The following HOPX variants were observed in gnomAD, a reference collection of about 807,000 sequenced individuals.
HOPX encodes the protein HOP homeobox, also known as homeodomain-only protein.
HOPX carries 5 observed loss-of-function variants against 11.8 expected under a neutral mutation model. The ratio of observed to expected loss-of-function variants is 0.43; its 90% CI spans 0.22 to 0.89. The LOEUF (loss-of-function observed/expected upper bound fraction) is 0.89. HOPX is among the 40% of genes least tolerant of loss of function. The pLI, the probability that HOPX is intolerant of heterozygous loss-of-function variation, is 0.28. For missense variants in HOPX, 119 were observed against 120.0 expected, an observed-to-expected ratio of 0.99 and a Z score of 0.04; for synonymous variants, 49 against 49.7, an observed-to-expected ratio of 0.99 and a Z score of 0.06.
At chr4:56,653,567 T>G (rs1717407347) in intron 3 of HOPX, among the ~76,000 whole-genome samples, 1 of 152,092 alleles carries the variant, frequency 6.6e-6, no homozygotes, top group Non-Finnish European at 1.5e-5. Context: ...GCTTGCTAAG[T>G]GCTGCCTGTC....
chr4:56,654,102 T>C (rs1457152308), intron 3 of HOPX, among the ~76,000 whole-genome samples: 2 of 152,152 alleles, frequency 1.3e-5, no homozygotes, highest in Non-Finnish European at 2.9e-5. Context: ...GCTTCCAGGG[T>C]TCAAATCCTG....
At chr4:56,650,478 T>C (rs1717053319) in intron 3 of HOPX, 1 of 550,938 alleles carries the variant, frequency 1.8e-6, no homozygotes, top group Non-Finnish European at 3.2e-6. Context: ...CAGAAGAAAG[T>C]GTGAGAATCA....
At chr4:56,671,495 G>A (rs1718730761) in intron 1 of HOPX, among the ~76,000 whole-genome samples, 1 of 151,982 alleles carries the variant, frequency 6.6e-6, no homozygotes, top group Non-Finnish European at 1.5e-5. Context: ...TTAGGTCATG[G>A]ATAAAATGAC....
chr4:56,651,878 G>GTGTGTT (rs1481624201), intron 3 of HOPX, among the ~76,000 whole-genome samples: 1 of 107,478 alleles, frequency 9.3e-6, no homozygotes, highest in Non-Finnish European at 2.0e-5. Context: ...GAGAGAGTGT[G>GTGTGTT]TGTGTGTGTG....
chr4:56,670,037 T>C (rs1027672770), intron 1 of HOPX, among the ~76,000 whole-genome samples: 3 of 152,216 alleles, frequency 2.0e-5, no homozygotes, highest in African/African-American at 7.2e-5. Flanking sequence ...CTTGAATATG[T>C]AGGATAGGAA....
intron 1 of HOPX, among the ~76,000 whole-genome samples, chr4:56,666,187 G>A (rs149769649): frequency 3.9e-5 from 6 of 152,258 alleles, no homozygotes; most frequent in African/African-American, 7.2e-5. Context: ...TTCCCCACAC[G>A]CTCTTCTTCA....
intron 3 of HOPX, 57 bp downstream of exon 3, chr4:56,655,800 C>A: frequency 6.5e-7 from 1 of 1,537,642 alleles, no homozygotes. Context: ...CGCCCAGCCG[C>A]GAGAAGGCTC....
At chr4:56,658,521 A>G (rs938337910) in intron 1 of HOPX, among the ~76,000 whole-genome samples, 2 of 152,222 alleles carry the variant, frequency 1.3e-5, no homozygotes, top group African/African-American at 4.8e-5. Flanking sequence ...GAAGATCTCT[A>G]TAGTCAAATG....
Position 56,650,382 on chromosome 4 carries a change from C to T in HOPX, c.199-1585G>A, listed in dbSNP as rs1717043602. On this transcript the variant is annotated intron_variant, in intron 3 of 3. Coordinates refer to ENST00000420433, the MANE Select transcript of HOPX (RefSeq NM_032495.6). ...AACCTCTAGAGGGCTCCCCACATAG[C>T]ATGGCTTGATGCCTATACAGATACT... The T allele has an allele frequency of 2.7e-5, 7 of 256,884 alleles. No individual in the cohort carries two copies. The South Asian group carries it at 4.7e-4, about 17-fold the overall frequency. 15.9% of individuals were successfully genotyped at this position (256,884 alleles called of 1,614,324 possible).
chr4:56,666,092 A>AC (rs1718423818), intron 1 of HOPX, among the ~76,000 whole-genome samples: 1 of 152,166 alleles, frequency 6.6e-6, no homozygotes, highest in Non-Finnish European at 1.5e-5. Flanking sequence ...AGTGTTGGTG[A>AC]CCAGACATGG....
At position 56,656,001 on chromosome 4, in the gene HOPX, GGTCCCTGCGCGCTGCGGGGCAGGGA is replaced by G; in HGVS notation, c.43-14_53del. The G allele has an allele frequency of 7.5e-6, 12 of 1,601,348 alleles. No homozygotes were observed. The highest frequency in any genetic ancestry group is 1.0e-5 in the Non-Finnish European group (12 of 1,174,620). ...GGCCGCTCGCGGTCTCCGCCGACAT[GGTCCCTGCGCGCTGCGGGGCAGGGA>G]GAAGCGGCGGCGGTGAGCGAGGCGT... On this transcript the variant is annotated splice_acceptor_variant and splice_polypyrimidine_tract_variant and coding_sequence_variant and intron_variant, in exon 3 of 4. Coordinates refer to ENST00000420433, the MANE Select transcript of HOPX (RefSeq NM_032495.6). LOFTEE classifies it high-confidence loss of function.
intron 2 of HOPX, chr4:56,656,477 G>A: frequency 1.1e-6 from 1 of 945,190 alleles, no homozygotes. Context: ...GCCCGAGTCC[G>A]CGACTAGCCG....
Position 56,648,544 on chromosome 4 carries a change from ATTTTCTTTTC to A in HOPX, c.*166_*175del, listed in dbSNP as rs1716860564. 2.0e-5 allele frequency: 9 copies of A among 454,804 alleles called. No individual in the cohort carries two copies. The Admixed American group carries it at 2.6e-4, about 13-fold the overall frequency. The allele number at this position is 454,804 out of a possible 1,614,324, so 28.2% of individuals were successfully genotyped here. ...AAGATACACATAGCTTCCTATTGTT[ATTTTCTTTTC>A]TAATTATGTACATTTAGAAAAAAAA... On this transcript the variant is annotated 3_prime_UTR_variant, in exon 4 of 4. Transcript: ENST00000420433.
At chr4:56,680,258 T>A (rs1240894466) in intron 1 of HOPX, 1 of 152,188 alleles carries the variant, frequency 6.6e-6, no homozygotes, top group East Asian at 1.9e-4. Flanking sequence ...AATGAATACC[T>A]GAGAAAGGTC....
At chr4:56,660,382 G>A (rs1299606119) in intron 1 of HOPX, among the ~76,000 whole-genome samples, 3 of 152,086 alleles carry the variant, frequency 2.0e-5, no homozygotes, top group African/African-American at 4.8e-5. Context: ...ATTTTAAAAT[G>A]TTATATTGAT....
chr4:56,649,797 G>A (rs1265187141), intron 3 of HOPX: 1 of 152,340 alleles, frequency 6.6e-6, no homozygotes, highest in East Asian at 1.9e-4. Context: ...TCCCCAAAGA[G>A]GAGAACAGGA....
chr4:56,651,545 C>T (rs1717170134), intron 3 of HOPX, among the ~76,000 whole-genome samples: 1 of 152,086 alleles, frequency 6.6e-6, no homozygotes. Context: ...AAATGAATGC[C>T]CTCATTACCC....
chr4:56,664,241 C>T (rs1261923649), intron 1 of HOPX: 1 of 152,086 alleles, frequency 6.6e-6, no homozygotes, highest in East Asian at 1.9e-4. Flanking sequence ...AGCAATTCTC[C>T]TGCCTCAGCC....
intron 1 of HOPX, among the ~76,000 whole-genome samples, chr4:56,677,607 T>C (rs2109556697): frequency 6.6e-6 from 1 of 151,448 alleles, no homozygotes; most frequent in African/African-American, 2.4e-5. Flanking sequence ...CACATTTGGA[T>C]TGAAGGGGAG....
Sources: allele counts gnomAD v4.1 joint callset (sites outside exome capture counted in the v4.1 genomes callset), GRCh38; gene constraint gnomAD v4.1.1; transcripts MANE v1.5; gene names NCBI Gene and HGNC (gene_info 2026-07-23, HGNC 2026-07-21).